Variants in HECTD4 observed in about 807,000 individuals in gnomAD.
The protein encoded by HECTD4 is probable E3 ubiquitin-protein ligase HECTD4.
A neutral mutation model predicts 471.5 loss-of-function variants in HECTD4; 114 were observed. The ratio of observed to expected loss-of-function variants is 0.24; its 90% CI spans 0.21 to 0.28. The LOEUF is 0.28. HECTD4 is among the 10% of genes least tolerant of loss of function. HECTD4 has a pLI of 1.00. For synonymous variants in HECTD4, 2,012 were observed against 2,256.0 expected (o/e 0.89, Z 3.07); for missense variants, 3,866 against 5,651.5 (o/e 0.68, Z 10.13).
chr12:112,228,260 TG>T lies in HECTD4; in HGVS notation c.6685-3del. ...GGACAGTTTATGAAGAGGCAATGCC[TG>T]ATGGCGGTGGGGGGGCATGGCAAAA... On this transcript the variant is annotated splice_region_variant and splice_polypyrimidine_tract_variant and intron_variant, in intron 42 of 75. Coordinates refer to ENST00000682272, the MANE Select transcript of HECTD4 (RefSeq NM_001388303.1). This position sits in a 1 kb window ranked among gnomAD's most constrained non-coding sequence, Gnocchi z 4.9. 1.3e-6 allele frequency: 2 copies of T among 1,575,538 alleles called. No individual in the cohort carries two copies. Among genetic ancestry groups the T allele is most frequent in the South Asian group, 2.4e-5 (2 of 84,612 alleles).
chr12:112,358,663 G>A (rs957877968), intron 1 of HECTD4, among the ~76,000 whole-genome samples: 1 of 151,924 alleles, frequency 6.6e-6, no homozygotes, highest in Non-Finnish European at 1.5e-5. Flanking sequence ...CTAACATTTC[G>A]AATCATAATT....
At chr12:112,348,451 T>C (rs2135734159) in intron 1 of HECTD4, among the ~76,000 whole-genome samples, 1 of 152,306 alleles carries the variant, frequency 6.6e-6, no homozygotes, top group East Asian at 1.9e-4. Context: ...AAATATTATG[T>C]GGAGCATAAT....
intron 44 of HECTD4, among the ~76,000 whole-genome samples, chr12:112,220,924 G>C (rs2033075968): frequency 1.3e-5 from 2 of 152,204 alleles, no homozygotes; most frequent in Non-Finnish European, 2.9e-5. Context: ...AGACCAGCCT[G>C]GGAGACATAG....
intron 7 of HECTD4, among the ~76,000 whole-genome samples, chr12:112,299,716 A>G (rs896174472): frequency 2.0e-5 from 3 of 152,186 alleles, no homozygotes; most frequent in Non-Finnish European, 4.4e-5. Flanking sequence ...TTCATATTCA[A>G]ATTATCTCCA....
chr12:112,168,012 C>G, intron 70 of HECTD4, 95 bp from the exon 71 acceptor site: 1 of 977,070 alleles, frequency 1.0e-6, no homozygotes. Context: ...GCGGCTACTC[C>G]TTCCACGGCC....
At chr12:112,282,555 T>C (rs1003175451) in intron 8 of HECTD4, among the ~76,000 whole-genome samples, 4 of 152,134 alleles carry the variant, frequency 2.6e-5, no homozygotes, top group African/African-American at 9.7e-5. Flanking sequence ...CTAATAAATA[T>C]AGTTACCTGT....
chr12:112,168,108 G>C (rs1458857469), intron 70 of HECTD4, among the ~76,000 whole-genome samples, 191 bp from the exon 71 acceptor site: 1 of 152,224 alleles, frequency 6.6e-6, no homozygotes, highest in African/African-American at 2.4e-5. Flanking sequence ...CACTAGTGGG[G>C]CCACCCAGGG....
chr12:112,336,180 CAAAT>C (rs1270717370), intron 1 of HECTD4, among the ~76,000 whole-genome samples: 9 of 152,090 alleles, frequency 5.9e-5, no homozygotes, highest in Admixed American at 5.2e-4. Context: ...TTTTCTTCGA[CAAAT>C]AAACTGCAAG....
Position 112,228,674 on chromosome 12 carries a change from C to A in HECTD4, c.6657G>T (p.Leu2219Phe). 6.2e-7 allele frequency: 1 copy of A among 1,608,454 alleles called. No individual in the cohort carries two copies. The highest frequency in any genetic ancestry group is 8.5e-7 in the Non-Finnish European group (1 of 1,178,790). Residue 2219 changes from leucine (L) to phenylalanine (F), a missense_variant, in exon 42 of 76, where the codon TTG (leucine) becomes TTT (phenylalanine). Leu to Phe is a conservative substitution (Grantham distance 22, BLOSUM62 0). Transcript: ENST00000682272. The surrounding 1 kb of genome is among the most constrained non-coding windows in gnomAD (Gnocchi z 4.9). ...CTGATCTTGGAACACAAAGTCTAGA[C>A]AATGGAATAGTCAATGTGTCTGACG... ...SQASDTLTIP[L>F]SRLCVPRSEA...
Position 112,254,136 on chromosome 12 carries a change from T to G in HECTD4, c.3354A>C (p.Thr1118=), listed in dbSNP as rs749932637. Reference sequence around the variant, plus strand: ...CATATTCAGCAACCTTCCTACTGTTTGTGTTAGGCCCCGCATATATCACCA... The same window carrying G: ...CATATTCAGCAACCTTCCTACTGTTGGTGTTAGGCCCCGCATATATCACCA... ...DKLVIYAGPN[T]NSRKVAEYGG... The change falls in exon 22 of 76, where the codon ACA becomes ACC. Residue 1118 remains threonine (T), a synonymous_variant. Coordinates refer to ENST00000682272, the MANE Select transcript of HECTD4 (RefSeq NM_001388303.1). 2 of 1,613,902 alleles carry G rather than the reference T, an allele frequency of 1.2e-6. No individual in the cohort carries two copies. Among genetic ancestry groups the G allele is most frequent in the East Asian group, 2.2e-5 (1 of 44,906 alleles).
Position 112,319,129 on chromosome 12 carries a change from A to C in HECTD4, c.695+96T>G, listed in dbSNP as rs540059013. ...AGCAAAGAAGGACTTCTGAATGTTA[A>C]GACTTCTATCAAATATACTTGGCCT... On this transcript the variant is annotated intron_variant, in intron 2 of 75. Transcript: ENST00000682272. The surrounding 1 kb of genome is among the most constrained non-coding windows in gnomAD (Gnocchi z 5.3). 2 of 1,214,416 alleles carry C rather than the reference A, an allele frequency of 1.6e-6. No individual in the cohort carries two copies. Among genetic ancestry groups the C allele is most frequent in the Non-Finnish European group, 1.1e-6 (1 of 884,698 alleles). The allele number at this position is 1,214,416 out of a possible 1,614,324, so 75.2% of individuals were successfully genotyped here.
Position 112,213,503 on chromosome 12 carries a change from G to A in HECTD4, c.7466-853C>T, listed in dbSNP as rs956407143. Among the ~76,000 whole-genome samples the A allele has an allele frequency of 3.3e-5, 5 of 149,664 alleles. No individual in the cohort carries two copies. Among genetic ancestry groups the A allele is most frequent in the Admixed American group, 6.7e-5 (1 of 14,950 alleles). On this transcript the variant is annotated intron_variant, in intron 48 of 75. Coordinates refer to ENST00000682272, the MANE Select transcript of HECTD4 (RefSeq NM_001388303.1). This position sits in a 1 kb window ranked among gnomAD's most constrained non-coding sequence, Gnocchi z 4.0. ...AGATCGAGTCCATCCTGGCTAACAC[G>A]GTGAAACCCTGTCTCTACTAAAAAT...
Position 112,210,033 on chromosome 12 carries a change from C to T in HECTD4, c.7849G>A (p.Val2617Met), listed in dbSNP as rs757343826. Reference sequence around the variant, plus strand: ...GACTTACGTTGCTGAGCGGTGGCCACGGCAGCAATCCGGCATGGTGGCCCA... The same window carrying T: ...GACTTACGTTGCTGAGCGGTGGCCATGGCAGCAATCCGGCATGGTGGCCCA... ...THGPPCRIAA[V>M]ATAQQQYDSD... is the part of the protein sequence containing the mutation. Residue 2617 changes from valine (V) to methionine (M), a missense_variant, in exon 50 of 76, where the codon GTG becomes ATG. Val to Met is a conservative substitution (Grantham distance 21). Transcript: ENST00000682272. The T allele has an allele frequency of 1.5e-5, 24 of 1,613,368 alleles. No homozygotes were observed. The highest frequency in any genetic ancestry group is 1.3e-4 in the Admixed American group (8 of 59,932).
In HECTD4 at chr12:112,168,368, C is replaced by A. The variant is rs556974788; in HGVS notation, c.12209-451G>T. ...CTGCCTCCCCCAGTGCCCGGGCTCG[C>A]GTATGTCCGATGAATGCGTGAGTGA... On this transcript the variant is annotated intron_variant, in intron 70 of 75. Transcript: ENST00000682272. Among the ~76,000 whole-genome samples the A allele has an allele frequency of 7.9e-5, 12 of 152,284 alleles. No individual in the cohort carries two copies. In the South Asian group the frequency reaches 2.5e-3, roughly 32 times the overall value.
intron 3 of HECTD4, among the ~76,000 whole-genome samples, 197 bp from the exon 4 acceptor site, chr12:112,313,344 T>C (rs1275465285): frequency 6.6e-6 from 1 of 151,872 alleles, no homozygotes; most frequent in Non-Finnish European, 1.5e-5. Context: ...AGACAGAGTC[T>C]CGCTCTGTCA....
intron 67 of HECTD4, among the ~76,000 whole-genome samples, chr12:112,172,192 C>T (rs762350167): frequency 1.2e-4 from 18 of 152,204 alleles, no homozygotes; most frequent in Non-Finnish European, 1.9e-4. Context: ...CATGAGCTAG[C>T]GCGCCTGGCC....
At chr12:112,297,915 G>T (rs530717760) in intron 7 of HECTD4, among the ~76,000 whole-genome samples, 5 of 152,132 alleles carry the variant, frequency 3.3e-5, no homozygotes, top group Non-Finnish European at 7.4e-5. Context: ...GCAGAGAGAA[G>T]AGGTCCTACA....
chr12:112,185,385 G>C lies in HECTD4; in HGVS notation c.9581C>G (p.Pro3194Arg). ...TVHTLEQRRH[P>R]AGLSSSIALQ... ...GGCGATTGAGGAGGACAGGCCAGCG[G>C]GGTGCCGCCTCTGCTCCAGGGTGTG... The change falls in exon 61 of 76, where the codon CCC becomes CGC. Residue 3194 changes from proline (P) to arginine (R), a missense_variant. Coordinates refer to ENST00000682272, the MANE Select transcript of HECTD4 (RefSeq NM_001388303.1). The C allele has an allele frequency of 1.2e-6, 2 of 1,612,268 alleles. No homozygotes were observed. The highest frequency in any genetic ancestry group is 1.7e-6 in the Non-Finnish European group (2 of 1,179,488).
chr12:112,280,493 A>G (rs2034613627), intron 8 of HECTD4, among the ~76,000 whole-genome samples: 1 of 152,092 alleles, frequency 6.6e-6, no homozygotes, highest in African/African-American at 2.4e-5. Flanking sequence ...TCATTTTTAG[A>G]TGGTTTAGAT....
Sources: allele counts gnomAD v4.1 joint callset (sites outside exome capture counted in the v4.1 genomes callset), GRCh38; gene constraint gnomAD v4.1.1; non-coding constraint Gnocchi (gnomAD v3.1); transcripts MANE v1.5; gene names NCBI Gene and HGNC (gene_info 2026-07-23, HGNC 2026-07-21).